The following DOT1L variants were observed in gnomAD, a reference collection of about 807,000 sequenced individuals.
The protein encoded by DOT1L is histone-lysine N-methyltransferase, H3 lysine-79 specific.
DOT1L carries 33 observed loss-of-function variants against 153.3 expected under a neutral mutation model. The observed-to-expected ratio is 0.22, with a 90% CI of 0.16 to 0.29. The LOEUF is 0.29. DOT1L is among the 10% of genes least tolerant of loss of function. The pLI is 1.00. For missense variants in DOT1L, 1,847 were observed against 2,119.9 expected, an observed-to-expected ratio of 0.87 and a Z score of 2.53; for synonymous variants, 1,135 against 965.1, an observed-to-expected ratio of 1.18 and a Z score of -3.26.
Position 2,214,373 on chromosome 19 carries a change from G to T in DOT1L, c.1798-98G>T, listed in dbSNP as rs150661755. 3.8e-4 allele frequency: 581 copies of T among 1,537,746 alleles called. 3 individuals carry two copies. In the African/African-American group the frequency reaches 7.3e-3, roughly 19 times the overall value. On this transcript the variant is annotated intron_variant, in intron 18 of 27. Transcript: ENST00000398665. ...GGTCTGTGCCCTAAGCACACATGCT[G>T]TTGGCTGAGGCAGGCCCAGGGAACC...
intron 1 of DOT1L, among the ~76,000 whole-genome samples, chr19:2,165,804 T>A (rs1269952083): frequency 6.6e-6 from 1 of 151,604 alleles, no homozygotes; most frequent in East Asian, 1.9e-4. Context: ...AGTCTCGATC[T>A]GTCGCCAAAG....
At position 2,207,800 on chromosome 19, in the gene DOT1L, C is replaced by T. The variant is rs967843097; in HGVS notation, c.963+120C>T. 2 of 916,714 alleles carry T rather than the reference C, an allele frequency of 2.2e-6. No individual in the cohort carries two copies. Among genetic ancestry groups the T allele is most frequent in the Non-Finnish European group, 3.2e-6 (2 of 619,206 alleles). The allele number at this position is 916,714 out of a possible 1,614,324, so 56.8% of individuals were successfully genotyped here. Reference sequence around the variant, plus strand: ...ACCCTCCCCTCAGAGCCCTCAACGCCCCCCGGCCCCTGAGCTCAGGCCCAG... The same window carrying T: ...ACCCTCCCCTCAGAGCCCTCAACGCTCCCCGGCCCCTGAGCTCAGGCCCAG... On this transcript the variant is annotated intron_variant, in intron 11 of 27. Transcript: ENST00000398665. This position sits in a 1 kb window ranked among gnomAD's most constrained non-coding sequence, Gnocchi z 4.5.
chr19:2,219,969 T>A, intron 22 of DOT1L, 139 bp from the exon 23 acceptor site: 3 of 705,912 alleles, frequency 4.2e-6, no homozygotes, highest in Non-Finnish European at 6.9e-6. Context: ...CCCGCTGCCC[T>A]CTTCCCACGC....
chr19:2,181,268 C>T (rs1047396587), intron 2 of DOT1L, among the ~76,000 whole-genome samples: 3 of 152,216 alleles, frequency 2.0e-5, no homozygotes, highest in African/African-American at 7.2e-5. Context: ...CGGCATTCTG[C>T]GTGTCTCAGG....
At position 2,226,507 on chromosome 19, in the gene DOT1L, A is replaced by G; in HGVS notation, c.3986A>G (p.His1329Arg). 1 of 1,600,712 alleles carries G rather than the reference A, an allele frequency of 6.2e-7. No homozygotes were observed. The highest frequency in any genetic ancestry group is 8.5e-7 in the Non-Finnish European group (1 of 1,179,668). The change falls in exon 27 of 28, where the codon CAC becomes CGC. Residue 1329 changes from histidine (H) to arginine (R), a missense_variant. Physicochemically the swap from His to Arg is conservative, Grantham distance 29. Around this residue, in one of 8 missense-constraint regions of DOT1L, gnomAD observed 934 missense variants for 825.3 expected, o/e 1.13. Transcript: ENST00000398665. ...GGGLAADLSL[H>R]SFSDGASLPH... Reference sequence around the variant, plus strand: ...GGCCTGGCCGCGGACCTGAGTTTACACAGCTTCAGTGATGGTGCTTCTCTT... The same window carrying G: ...GGCCTGGCCGCGGACCTGAGTTTACGCAGCTTCAGTGATGGTGCTTCTCTT...
rs755611816 is a variant in DOT1L, at chr19:2,223,474, C to T, written c.3584C>T (p.Pro1195Leu). ...SDEEPGSEDE[P>L]SSARIERKIA... Reference sequence around the variant, plus strand: ...GAGGAGCCAGGCTCTGAGGACGAGCCCAGCAGTGCTCGGCGAGTCCAGGGG... The same window carrying T: ...GAGGAGCCAGGCTCTGAGGACGAGCTCAGCAGTGCTCGGCGAGTCCAGGGG... The change falls in exon 25 of 28, where the codon CCC (proline) becomes CTC (leucine). Residue 1195 changes from proline (P) to leucine (L), a missense_variant. Pro to Leu is a moderately conservative substitution (Grantham distance 98). Transcript: ENST00000398665. 27 of 1,600,288 alleles carry T rather than the reference C, an allele frequency of 1.7e-5. No individual in the cohort carries two copies. The highest frequency in any genetic ancestry group is 2.2e-5 in the Non-Finnish European group (26 of 1,172,682).
In DOT1L at chr19:2,197,018, G is replaced by A. The variant is rs1309271110; in HGVS notation, c.651+2441G>A. On this transcript the variant is annotated intron_variant, in intron 7 of 27. Coordinates refer to ENST00000398665, the MANE Select transcript of DOT1L (RefSeq NM_032482.3). The surrounding 1 kb of genome is among the most constrained non-coding windows in gnomAD (Gnocchi z 4.1). Reference sequence around the variant, plus strand: ...TCCAGTGCTGAACGCGTCCGCCTTGGTCGGCGTGCGATTCTGTTTATCCAA... The same window carrying A: ...TCCAGTGCTGAACGCGTCCGCCTTGATCGGCGTGCGATTCTGTTTATCCAA... Among the ~76,000 whole-genome samples the A allele has an allele frequency of 6.6e-6, 1 of 152,226 alleles. No individual in the cohort carries two copies. Among genetic ancestry groups the A allele is most frequent in the Non-Finnish European group, 1.5e-5 (1 of 68,042 alleles).
chr19:2,184,145 G>C (rs559055500), intron 2 of DOT1L, among the ~76,000 whole-genome samples: 1 of 152,206 alleles, frequency 6.6e-6, no homozygotes. Context: ...GCCGAGTTGC[G>C]CTGGCCGGAA....
In DOT1L at chr19:2,232,260, AGT is replaced by A. The variant is rs1427522242; in HGVS notation, c.*2470_*2471del. 1 of 214,014 alleles carries A rather than the reference AGT, an allele frequency of 4.7e-6. No homozygotes were observed. Among genetic ancestry groups the A allele is most frequent in the Non-Finnish European group, 9.4e-6 (1 of 106,070 alleles). 13.3% of individuals were successfully genotyped at this position (214,014 alleles called of 1,614,324 possible). A position where few individuals can be genotyped will look rare whatever the true frequency, so the allele number is the denominator to read the frequency against. On this transcript the variant is annotated 3_prime_UTR_variant, in exon 28 of 28. Transcript: ENST00000398665. ...CCTCCTCGGCCCATGAGGCACGCAC[AGT>A]GACTTATTTAAGACTTCCCCCTTAA...
At chr19:2,200,227 C>T (rs1238660574) in intron 8 of DOT1L, among the ~76,000 whole-genome samples, 2 of 152,168 alleles carry the variant, frequency 1.3e-5, no homozygotes, top group African/African-American at 4.8e-5. Context: ...GCCCCTCTCG[C>T]CTGGTTTCCT....
chr19:2,216,794 G>T, intron 20 of DOT1L, 29 bp downstream of exon 20: 1 of 1,570,316 alleles, frequency 6.4e-7, no homozygotes, highest in Non-Finnish European at 8.6e-7. Flanking sequence ...CTGGGGGTCT[G>T]CAGCTGGTAC....
At chr19:2,212,002 C>T (rs2023731821) in intron 16 of DOT1L, 160 bp downstream of exon 16, 1 of 646,832 alleles carries the variant, frequency 1.5e-6, no homozygotes, top group East Asian at 2.9e-5. Context: ...CCGTTTAAAC[C>T]CAAAGAATGG....
At chr19:2,185,117 G>T (rs996857960) in intron 2 of DOT1L, among the ~76,000 whole-genome samples, 2 of 152,146 alleles carry the variant, frequency 1.3e-5, no homozygotes, top group Non-Finnish European at 2.9e-5. Flanking sequence ...TGTTGGTCAG[G>T]CTGGTCTCCA....
In DOT1L at chr19:2,222,002, A is replaced by G. The variant is rs2144901405; in HGVS notation, c.2833A>G (p.Ile945Val). ...AGFSYAGSVA[I>V]SGALAGSPAS... Reference sequence around the variant, plus strand: ...CTTCTCCTACGCTGGCTCGGTGGCCATCAGCGGGGCCTTGGCGGGCAGCCC... The same window carrying G: ...CTTCTCCTACGCTGGCTCGGTGGCCGTCAGCGGGGCCTTGGCGGGCAGCCC... Residue 945 changes from isoleucine to valine, a missense_variant, in exon 24 of 28, where the codon ATC becomes GTC. This residue lies in a region of DOT1L where 68 missense variants were observed against 80.7 expected (regional missense o/e 0.84). Coordinates refer to ENST00000398665, the MANE Select transcript of DOT1L (RefSeq NM_032482.3). The surrounding 1 kb of genome is among the most constrained non-coding windows in gnomAD (Gnocchi z 6.5). 3 of 1,610,248 alleles carry G rather than the reference A, an allele frequency of 1.9e-6. No individual in the cohort carries two copies. Among genetic ancestry groups the G allele is most frequent in the Non-Finnish European group, 1.7e-6 (2 of 1,178,520 alleles).
Position 2,231,029 on chromosome 19 carries a change from G to C in DOT1L, c.*1237G>C. The C allele has an allele frequency of 4.2e-6, 1 of 236,800 alleles. No homozygotes were observed. The highest frequency in any genetic ancestry group is 8.3e-6 in the Non-Finnish European group (1 of 120,822). 14.7% of individuals were successfully genotyped at this position (236,800 alleles called of 1,614,324 possible). A position where few individuals can be genotyped will look rare whatever the true frequency, so the allele number is the denominator to read the frequency against. On this transcript the variant is annotated 3_prime_UTR_variant, in exon 28 of 28. Transcript: ENST00000398665. ...GTCGGCCCCCCACTCTGCAGCCTTG[G>C]CGGGTGCCTGGGACTGGGTGTGGAA...
chr19:2,169,186 G>T (rs986905296), intron 1 of DOT1L, among the ~76,000 whole-genome samples: 2 of 152,150 alleles, frequency 1.3e-5, no homozygotes, highest in African/African-American at 4.8e-5. Context: ...AGCCAGCAGT[G>T]AGTAGCAGCC....
At chr19:2,194,661 A>ATGTTGGCACATGGC (rs11268058) in intron 7 of DOT1L, 84 bp downstream of exon 7, 456,290 of 1,135,914 alleles carry the variant, frequency 0.4, 107,874 homozygotes, top group East Asian at 0.52. Context: ...TTTCTTGCCG[A>ATGTTGGCACATGGC]TGTTGGCACA....
At chr19:2,221,625 C>T (rs2024118568) in intron 23 of DOT1L, 3 of 326,224 alleles carry the variant, frequency 9.2e-6, no homozygotes. Context: ...GGGCTTTCCT[C>T]ATGGTGTCTC....
rs369996787 is a variant in DOT1L, at chr19:2,210,646, C to T, written c.1142C>T (p.Ala381Val). The change falls in exon 14 of 28, where the codon GCG becomes GTG. Residue 381 changes from alanine to valine, a missense_variant. Ala to Val is a moderately conservative substitution (Grantham distance 64). Transcript: ENST00000398665. ...PMDSGAEEEK[A>V]GAATVKKPSP... is the part of the protein sequence containing the mutation. The stretch of plus-strand genomic sequence containing the variant: ...GACTCTGGTGCTGAGGAAGAGAAGG[C>T]GGGAGCAGCCACCGTGAAGAAGCCG... The T allele has an allele frequency of 8.7e-6, 14 of 1,612,598 alleles. No homozygotes were observed. The highest frequency in any genetic ancestry group is 4.4e-5 in the South Asian group (4 of 91,080).
Sources: allele counts gnomAD v4.1 joint callset (sites outside exome capture counted in the v4.1 genomes callset), GRCh38; gene constraint gnomAD v4.1.1; regional missense constraint gnomAD v4.1.1; non-coding constraint Gnocchi (gnomAD v3.1); transcripts MANE v1.5; gene names NCBI Gene and HGNC (gene_info 2026-07-23, HGNC 2026-07-21).